AKAP6: variants seen among roughly 807,000 people sequenced by gnomAD.
The protein encoded by AKAP6 is A-kinase anchoring protein 6.
Under a neutral mutation model 188.5 loss-of-function variants are expected in AKAP6, and 58 were observed. The observed-to-expected ratio is 0.31, with a 90% confidence interval of 0.25 to 0.38. AKAP6 has a LOEUF of 0.38. AKAP6 is among the 10% of genes least tolerant of loss of function. The probability of loss-of-function intolerance (pLI) is 1.00; values close to 1 mark genes in which losing one functional copy is unlikely to be tolerated. For missense variants in AKAP6, 2,710 were observed against 2,740.0 expected (o/e 0.99, Z 0.24); for synonymous variants, 989 against 998.6 (o/e 0.99, Z 0.18).
chr14:32,330,514 T>A (rs995530502), intron 1 of AKAP6, among the ~76,000 whole-genome samples: 2 of 151,996 alleles, frequency 1.3e-5, no homozygotes, highest in Non-Finnish European at 2.9e-5. Flanking sequence ...CACATGTCAG[T>A]TCAATTGATC....
At chr14:32,508,849 C>T (rs1471684726) in intron 2 of AKAP6, among the ~76,000 whole-genome samples, 3 of 149,142 alleles carry the variant, frequency 2.0e-5, no homozygotes, top group South Asian at 2.1e-4. Flanking sequence ...TTTTTTGATA[C>T]GGAGTCTCGC....
At chr14:32,431,260 A>G (rs1890214527) in intron 1 of AKAP6, among the ~76,000 whole-genome samples, 1 of 152,084 alleles carries the variant, frequency 6.6e-6, no homozygotes, top group South Asian at 2.1e-4. Context: ...TGGGTCTAGT[A>G]TTATTATTAC....
Position 32,793,903 on chromosome 14 carries a change from G to A in AKAP6, c.3588+20010G>A, listed in dbSNP as rs756109780. 1.9e-4 allele frequency among the ~76,000 whole-genome samples: 29 copies of A among 152,052 alleles called. 1 individual carries two copies. The highest frequency in any genetic ancestry group is 3.4e-3 in the Middle Eastern group (1 of 290). On this transcript the variant is annotated intron_variant, in intron 12 of 13. Transcript: ENST00000280979. Reference sequence around the variant, plus strand: ...CTCAAACTCCCACACAATAATAGTGGGAAACTGTAACACCCCACTGACAGT... The same window carrying A: ...CTCAAACTCCCACACAATAATAGTGAGAAACTGTAACACCCCACTGACAGT...
intron 7 of AKAP6, among the ~76,000 whole-genome samples, chr14:32,615,837 G>A (rs369466841): frequency 6.6e-5 from 10 of 151,848 alleles, no homozygotes; most frequent in African/African-American, 1.2e-4. Flanking sequence ...CTCATGATCC[G>A]CCCACCTCGG....
chr14:32,463,591 ATC>A (rs1174252268), intron 2 of AKAP6, among the ~76,000 whole-genome samples: 1 of 152,240 alleles, frequency 6.6e-6, no homozygotes, highest in Non-Finnish European at 1.5e-5. Context: ...TCTGGGCCAC[ATC>A]TAAAGCAGTG....
At chr14:32,788,248 TCA>T (rs910137837) in intron 12 of AKAP6, among the ~76,000 whole-genome samples, 1 of 152,152 alleles carries the variant, frequency 6.6e-6, no homozygotes, top group Non-Finnish European at 1.5e-5. Context: ...CCAGACTCTC[TCA>T]CTTAGTAGCT....
chr14:32,709,721 G>A (rs1027304840), intron 9 of AKAP6, among the ~76,000 whole-genome samples: 3 of 152,094 alleles, frequency 2.0e-5, no homozygotes, highest in African/African-American at 7.2e-5. Context: ...TTTCCTGAAA[G>A]TCTTCTTATT....
At chr14:32,748,877 CCTT>C (rs1206066007) in intron 11 of AKAP6, among the ~76,000 whole-genome samples, 1 of 152,118 alleles carries the variant, frequency 6.6e-6, no homozygotes, top group Admixed American at 6.5e-5. Flanking sequence ...GTCTCCATGA[CCTT>C]CTTTTGTAAA....
At chr14:32,549,021 A>G (rs891969196) in intron 4 of AKAP6, among the ~76,000 whole-genome samples, 1 of 152,204 alleles carries the variant, frequency 6.6e-6, no homozygotes, top group Non-Finnish European at 1.5e-5. Flanking sequence ...GAGGAAGAAA[A>G]TGCAGGTTTA....
At chr14:32,732,852 A>AAT in intron 10 of AKAP6, 1 of 603,466 alleles carries the variant, frequency 1.7e-6, no homozygotes. Flanking sequence ...AAGTAAGTAA[A>AAT]ATATGCCATG....
chr14:32,779,487 A>G (rs1276929778), intron 12 of AKAP6, among the ~76,000 whole-genome samples: 2 of 151,936 alleles, frequency 1.3e-5, no homozygotes, highest in South Asian at 2.1e-4. Context: ...ATGGAAATAT[A>G]TATATTAAGC....
At chr14:32,483,225 T>C (rs1026391769) in intron 2 of AKAP6, among the ~76,000 whole-genome samples, 5 of 152,162 alleles carry the variant, frequency 3.3e-5, no homozygotes, top group African/African-American at 1.2e-4. Context: ...AATATTTTCA[T>C]ATATTTAAAA....
intron 13 of AKAP6, among the ~76,000 whole-genome samples, chr14:32,825,733 T>G (rs2034656776): frequency 6.6e-6 from 1 of 152,162 alleles, no homozygotes; most frequent in African/African-American, 2.4e-5. Context: ...GTGAGAGTCA[T>G]ATTTCACCCA....
At chr14:32,650,334 C>T (rs771744738) in intron 7 of AKAP6, among the ~76,000 whole-genome samples, 14 of 152,090 alleles carry the variant, frequency 9.2e-5, no homozygotes, top group Non-Finnish European at 1.5e-4. Context: ...TAAATACAGC[C>T]GGGCGCAGTG....
At chr14:32,532,817 T>G (rs1159822983) in intron 2 of AKAP6, among the ~76,000 whole-genome samples, 2 of 152,134 alleles carry the variant, frequency 1.3e-5, no homozygotes. Context: ...AGATAGTAGT[T>G]GAACAGTGAT....
At chr14:32,463,398 G>A (rs548234788) in intron 2 of AKAP6, among the ~76,000 whole-genome samples, 1 of 152,246 alleles carries the variant, frequency 6.6e-6, no homozygotes, top group South Asian at 2.1e-4. Flanking sequence ...ATAACAAACA[G>A]TCTCTCAGAC....
chr14:32,544,847 C>A (rs565534445), intron 3 of AKAP6, among the ~76,000 whole-genome samples: 1 of 152,052 alleles, frequency 6.6e-6, no homozygotes, highest in Non-Finnish European at 1.5e-5. Context: ...AACAGACATT[C>A]GTGGAGATTT....
intron 7 of AKAP6, among the ~76,000 whole-genome samples, chr14:32,632,224 T>C (rs1691632542): frequency 6.6e-6 from 1 of 152,060 alleles, no homozygotes; most frequent in Non-Finnish European, 1.5e-5. Context: ...GTGAAAAACA[T>C]ATGTCGAATT....
intron 7 of AKAP6, among the ~76,000 whole-genome samples, chr14:32,669,907 G>A (rs1237359330): frequency 6.6e-6 from 1 of 152,020 alleles, no homozygotes; most frequent in Non-Finnish European, 1.5e-5. Flanking sequence ...GACCAGCCTG[G>A]CCAACATGGT....
Sources: allele counts gnomAD v4.1 joint callset (sites outside exome capture counted in the v4.1 genomes callset), GRCh38; gene constraint gnomAD v4.1.1; transcripts MANE v1.5; gene names NCBI Gene and HGNC (gene_info 2026-07-23, HGNC 2026-07-21).